The following CERT1 variants were observed in gnomAD, a reference collection of about 807,000 sequenced individuals.
CERT1 encodes ceramide transporter 1.
A neutral mutation model predicts 87.9 loss-of-function variants in CERT1; 31 were observed. The ratio of observed to expected loss-of-function variants is 0.35; its 90% CI spans 0.27 to 0.48. The LOEUF (loss-of-function observed/expected upper bound fraction) is 0.48, where lower values mean the gene tolerates loss of function less well. Ranked by LOEUF, CERT1 falls within the 20% of genes least tolerant of loss-of-function variation. The pLI is 0.99. For synonymous variants in CERT1, 289 were observed against 250.9 expected (o/e 1.15, Z -1.44); for missense variants, 487 against 758.0 (o/e 0.64, Z 4.20).
downstream of CERT1, chr5:75,377,308 A>G (rs1761359387): frequency 1.3e-5 from 2 of 152,234 alleles, no homozygotes; most frequent in African/African-American, 4.8e-5. Context: ...GAGATGGTCA[A>G]TTACTATAAC....
chr5:75,374,843 T>G (rs1761231776), downstream of CERT1: 9 of 490,084 alleles, frequency 1.8e-5, no homozygotes, highest in Non-Finnish European at 3.6e-5. Flanking sequence ...AGATGGACTA[T>G]TCTCTGGAGA....
chr5:75,483,832 G>A (rs1747764221), intron 2 of CERT1, among the ~76,000 whole-genome samples: 1 of 151,830 alleles, frequency 6.6e-6, no homozygotes, highest in South Asian at 2.1e-4. Flanking sequence ...GCTGCTAAAG[G>A]AAGTTCTTCA....
At position 75,378,600 on chromosome 5, in the gene CERT1, T is replaced by C. The variant is rs898816252; in HGVS notation, c.*746A>G. On this transcript the variant is annotated 3_prime_UTR_variant, in exon 17 of 17. Coordinates refer to ENST00000643780, the MANE Select transcript of CERT1 (RefSeq NM_001379029.1). ...GAGATGTTTTACACATCTCATGTCT[T>C]ATAAAGAAAGATAGTCAAGATACAT... 3 of 152,164 alleles carry C rather than the reference T, an allele frequency of 2.0e-5. No homozygotes were observed. The highest frequency in any genetic ancestry group is 7.2e-5 in the African/African-American group (3 of 41,436). 9.4% of individuals were successfully genotyped at this position (152,164 alleles called of 1,614,324 possible).
Position 75,511,578 on chromosome 5 carries a change from G to T in CERT1, c.-371C>A. The T allele has an allele frequency of 6.8e-7, 1 of 1,462,600 alleles. No homozygotes were observed. The highest frequency in any genetic ancestry group is 2.5e-5 in the East Asian group (1 of 40,080). 90.6% of individuals were successfully genotyped at this position (1,462,600 alleles called of 1,614,324 possible). ...AGAAAATCCGGCCGCTGAGTCCCGC[G>T]TCCACTCACACCTCCGCTACCGCCG... On this transcript the variant is annotated 5_prime_UTR_variant, in exon 1 of 17. Coordinates refer to ENST00000643780, the MANE Select transcript of CERT1 (RefSeq NM_001379029.1).
intron 2 of CERT1, among the ~76,000 whole-genome samples, chr5:75,491,493 GT>G (rs1206625351): frequency 6.6e-6 from 1 of 151,862 alleles, no homozygotes; most frequent in Non-Finnish European, 1.5e-5. Context: ...TGTCTGGTTA[GT>G]TTTTTGCACT....
At chr5:75,472,616 A>G (rs1765766147) in intron 2 of CERT1, among the ~76,000 whole-genome samples, 1 of 152,226 alleles carries the variant, frequency 6.6e-6, no homozygotes, top group Non-Finnish European at 1.5e-5. Context: ...ACCTGAACAA[A>G]CATTTCTCAG....
At chr5:75,457,134 C>T (rs1352178637) in intron 3 of CERT1, among the ~76,000 whole-genome samples, 1 of 152,168 alleles carries the variant, frequency 6.6e-6, no homozygotes, top group Non-Finnish European at 1.5e-5. Context: ...GGCTGTTCTC[C>T]TTATATGCAC....
chr5:75,381,960 C>T lies in CERT1; in HGVS notation c.1606G>A (p.Asp536Asn), dbSNP rs1349225944. ...WIVCNFSVDH[D>N]SAPLNNRCVR... ...ATACATGTACTTACAGGAGCACTGT[C>T]ATGATCCACAGAAAAATTACAAACT... Residue 536 changes from aspartate to asparagine, a missense_variant, in exon 15 of 17, where the codon GAC (aspartate) becomes AAC (asparagine). This residue lies in a region of CERT1 where 147 missense variants were observed against 200.8 expected (regional missense o/e 0.73). Transcript: ENST00000643780. 4 of 1,612,862 alleles carry T rather than the reference C, an allele frequency of 2.5e-6. No individual in the cohort carries two copies. Among genetic ancestry groups the T allele is most frequent in the Non-Finnish European group, 3.4e-6 (4 of 1,179,470 alleles).
intron 14 of CERT1, among the ~76,000 whole-genome samples, chr5:75,383,643 T>C (rs999323843): frequency 6.6e-6 from 1 of 152,172 alleles, no homozygotes; most frequent in African/African-American, 2.4e-5. Flanking sequence ...ATGTCTCAGA[T>C]GACAAGACTG....
chr5:75,440,989 A>T (rs1015940378), intron 3 of CERT1, among the ~76,000 whole-genome samples: 1 of 152,160 alleles, frequency 6.6e-6, no homozygotes, highest in South Asian at 2.1e-4. Context: ...TAGAAATACA[A>T]TTACACTCAA....
chr5:75,426,813 CAG>C (rs981780626), intron 3 of CERT1, among the ~76,000 whole-genome samples: 13 of 152,154 alleles, frequency 8.5e-5, no homozygotes, highest in African/African-American at 2.9e-4. Flanking sequence ...TTAATGGACA[CAG>C]AGTTTCAGCT....
rs956504841 is a variant in CERT1 at position 75,458,408 on chromosome 5, G to A, written c.348+657C>T. ...CAACATTGAAACTTTTATAAGTTGG[G>A]GTTTTATAATCCAATGTTATTTCAA... On this transcript the variant is annotated intron_variant, in intron 3 of 16. Transcript: ENST00000643780. Among the ~76,000 whole-genome samples the A allele has an allele frequency of 3.0e-4, 45 of 151,704 alleles. 1 individual carries two copies. The highest frequency in any genetic ancestry group is 1.0e-3 in the African/African-American group (42 of 41,276).
intron 3 of CERT1, among the ~76,000 whole-genome samples, chr5:75,447,622 C>G (rs1764605241): frequency 6.6e-6 from 1 of 151,878 alleles, no homozygotes; most frequent in African/African-American, 2.4e-5. Context: ...AGGTGCCCAC[C>G]ACCACGCCCA....
At position 75,511,176 on chromosome 5, in the gene CERT1, C is replaced by G; in HGVS notation, c.32G>C (p.Gly11Ala). 6.2e-7 allele frequency: 1 copy of G among 1,612,634 alleles called. No individual in the cohort carries two copies. The highest frequency in any genetic ancestry group is 2.2e-5 in the East Asian group (1 of 44,850). Residue 11 changes from glycine (G) to alanine (A), a missense_variant, in exon 1 of 17, where the codon GGC becomes GCC. By Grantham distance (60) the Gly-to-Ala change is moderately conservative. This residue lies in a region of CERT1 where 173 missense variants were observed against 302.2 expected (regional missense o/e 0.57). Coordinates refer to ENST00000643780, the MANE Select transcript of CERT1 (RefSeq NM_001379029.1). ...CTCCGTCTCTGGATCCTCCTCCGAG[C>G]CCGACGAGTTCCAGCTCTGATTATC... MSDNQSWNSS[G>A]SEEDPETESG...
chr5:75,442,422 T>C (rs868843893), intron 3 of CERT1, among the ~76,000 whole-genome samples: 1 of 152,186 alleles, frequency 6.6e-6, no homozygotes, highest in African/African-American at 2.4e-5. Flanking sequence ...GGTCTCATTA[T>C]GTTGCCCAGT....
At chr5:75,417,168 C>T (rs1763165745) in intron 6 of CERT1, 135 bp from the exon 7 acceptor site, 2 of 641,056 alleles carry the variant, frequency 3.1e-6, no homozygotes, top group South Asian at 2.2e-5. Flanking sequence ...TGTAGGCCAA[C>T]ATTTAAAAAT....
chr5:75,419,666 G>GAATATTC (rs1763289600), intron 5 of CERT1, among the ~76,000 whole-genome samples: 1 of 152,036 alleles, frequency 6.6e-6, no homozygotes, highest in Admixed American at 6.5e-5. Flanking sequence ...CATTTAGTGA[G>GAATATTC]ACTATGGAGA....
intron 3 of CERT1, among the ~76,000 whole-genome samples, chr5:75,432,669 G>C (rs1485500320): frequency 6.6e-6 from 1 of 152,206 alleles, no homozygotes; most frequent in African/African-American, 2.4e-5. Context: ...TTACTCTGTT[G>C]ATAGTTTCTC....
At chr5:75,434,972 C>G (rs895796634) in intron 3 of CERT1, among the ~76,000 whole-genome samples, 1 of 152,232 alleles carries the variant, frequency 6.6e-6, no homozygotes, top group East Asian at 1.9e-4. Context: ...TTACATGTCT[C>G]AGTTTCATTC....
Sources: gnomAD v4.1 joint callset for allele counts (sites outside exome capture counted in the v4.1 genomes callset) on GRCh38, gnomAD v4.1.1 for gene constraint, gnomAD v4.1.1 regional missense constraint, MANE v1.5 for transcripts, NCBI Gene and HGNC (gene_info 2026-07-23, HGNC 2026-07-21) for gene names.